The following PHF13 variants were observed in gnomAD, a reference collection of about 807,000 sequenced individuals.
PHF13 encodes PHD zinc finger protein PHF5.
A neutral mutation model predicts 25.8 loss-of-function variants in PHF13; 1 was observed. That is an observed-to-expected ratio of 0.04 (90% CI 0.01 to 0.18). The LOEUF (loss-of-function observed/expected upper bound fraction) is 0.18, where lower values mean the gene tolerates loss of function less well. PHF13 is among the 10% of genes least tolerant of loss of function. The probability of loss-of-function intolerance (pLI) is 1.00; values close to 1 mark genes in which losing one functional copy is unlikely to be tolerated. For synonymous variants in PHF13, 195 were observed against 162.4 expected, an observed-to-expected ratio of 1.20 and a Z score of -1.53; for missense variants, 306 against 403.2, an observed-to-expected ratio of 0.76 and a Z score of 2.06.
rs958942664 is a variant in PHF13, at chr1:6,621,542, G to C, written c.808G>C (p.Glu270Gln). The C allele has an allele frequency of 1.2e-6, 2 of 1,614,230 alleles. No individual in the cohort carries two copies. The highest frequency in any genetic ancestry group is 1.3e-5 in the African/African-American group (1 of 75,058). The part of the protein sequence containing the change: ...CAKIRKSNVP[E>Q]VFVCQKCRDS... ...GAAAATCCGGAAATCCAATGTTCCA[G>C]AAGTGTTTGTCTGCCAAAAGTGCCG... is the stretch of plus-strand genomic sequence containing the variant. Residue 270 changes from glutamate (E) to glutamine (Q), a missense_variant, in exon 4 of 4, where the codon GAA becomes CAA. Around this residue, in one of 5 missense-constraint regions of PHF13, gnomAD observed 40 missense variants for 71.6 expected, o/e 0.56. Coordinates refer to ENST00000377648, the MANE Select transcript of PHF13 (RefSeq NM_153812.3). The surrounding 1 kb of genome is among the most constrained non-coding windows in gnomAD (Gnocchi z 4.8).
Position 6,613,966 on chromosome 1 carries a change from C to T in PHF13, c.-101C>T. On this transcript the variant is annotated 5_prime_UTR_variant, in exon 1 of 4. Transcript: ENST00000377648. ...CCCGGGCGACCCCTCCCGGGTCCGC[C>T]CTCGCCCTGCGCAGCCGCCCGAGCC... 2 of 780,018 alleles carry T rather than the reference C, an allele frequency of 2.6e-6. No individual in the cohort carries two copies. The highest frequency in any genetic ancestry group is 2.1e-6 in the Non-Finnish European group (1 of 486,814). 48.3% of individuals were successfully genotyped at this position (780,018 alleles called of 1,614,324 possible).
chr1:6,618,424 C>T (rs1236795284), intron 2 of PHF13, among the ~76,000 whole-genome samples: 1 of 152,166 alleles, frequency 6.6e-6, no homozygotes, highest in Non-Finnish European at 1.5e-5. Context: ...TGAGCCACTG[C>T]GTTTGGCCGT....
chr1:6,613,794 T>C lies in PHF13; in HGVS notation c.-273T>C. The C allele has an allele frequency of 5.0e-6, 1 of 199,350 alleles. No individual in the cohort carries two copies. Among genetic ancestry groups the C allele is most frequent in the Non-Finnish European group, 9.7e-6 (1 of 102,978 alleles). The allele number at this position is 199,350 out of a possible 1,614,324, so 12.3% of individuals were successfully genotyped here. A position where few individuals can be genotyped will look rare whatever the true frequency, so the allele number is the denominator to read the frequency against. On this transcript the variant is annotated 5_prime_UTR_variant, in exon 1 of 4. Transcript: ENST00000377648. ...GTCGGGGAGCCGGTCGGGTTCCCGC[T>C]CACCGCCGCCGCCGCCGCCCCCTGC...
At chr1:6,617,845 C>T (rs1641283834) in intron 2 of PHF13, among the ~76,000 whole-genome samples, 1 of 152,140 alleles carries the variant, frequency 6.6e-6, no homozygotes, top group African/African-American at 2.4e-5. Context: ...AGTTTATAAG[C>T]TGAGGAAACT....
chr1:6,619,762 T>C, intron 2 of PHF13, 41 bp from the exon 3 acceptor site: 1 of 1,553,074 alleles, frequency 6.4e-7, no homozygotes, highest in East Asian at 2.3e-5. Context: ...GGGCTGGATC[T>C]TGTCACCAGT....
At chr1:6,614,829 C>T (rs1378821552) in intron 1 of PHF13, among the ~76,000 whole-genome samples, 2 of 151,406 alleles carry the variant, frequency 1.3e-5, no homozygotes, top group African/African-American at 2.4e-5. Flanking sequence ...GGGCTCCCGG[C>T]CTCCCCCCCG....
rs191767063 is a variant in PHF13 at position 6,619,631 on chromosome 1, G to A, written c.142-172G>A. On this transcript the variant is annotated intron_variant, in intron 2 of 3. Coordinates refer to ENST00000377648, the MANE Select transcript of PHF13 (RefSeq NM_153812.3). Reference sequence around the variant, plus strand: ...TGGGATTACAGGTGTGAGCCACCACGCCCAGCCAGAACTCATGTTACTGTT... The same window carrying A: ...TGGGATTACAGGTGTGAGCCACCACACCCAGCCAGAACTCATGTTACTGTT... 1.1e-3 allele frequency among the ~76,000 whole-genome samples: 160 copies of A among 152,280 alleles called. 2 individuals carry two copies. Among genetic ancestry groups the A allele is most frequent in the African/African-American group, 2.8e-3 (116 of 41,554 alleles).
rs1385683466 is a variant in PHF13, at chr1:6,613,957, C to A, written c.-110C>A. On this transcript the variant is annotated 5_prime_UTR_variant, in exon 1 of 4. Transcript: ENST00000377648. Reference sequence around the variant, plus strand: ...CACCTCCAGCCCGGGCGACCCCTCCCGGGTCCGCCCTCGCCCTGCGCAGCC... The same window carrying A: ...CACCTCCAGCCCGGGCGACCCCTCCAGGGTCCGCCCTCGCCCTGCGCAGCC... 3.0e-6 allele frequency: 2 copies of A among 669,390 alleles called. No individual in the cohort carries two copies. The highest frequency in any genetic ancestry group is 4.9e-6 in the Non-Finnish European group (2 of 406,080). The allele number at this position is 669,390 out of a possible 1,614,324, so 41.5% of individuals were successfully genotyped here.
intron 2 of PHF13, among the ~76,000 whole-genome samples, chr1:6,619,054 A>G (rs1292141485): frequency 1.3e-5 from 2 of 152,244 alleles, no homozygotes; most frequent in Non-Finnish European, 2.9e-5. Flanking sequence ...TGGGGCAGTA[A>G]TTACCTACTT....
At chr1:6,617,393 A>C (rs536477008) in intron 2 of PHF13, among the ~76,000 whole-genome samples, 35 of 149,524 alleles carry the variant, frequency 2.3e-4, no homozygotes, top group Admixed American at 2.1e-3. Context: ...CGATTTAGTA[A>C]ACTTTCAGTT....
At chr1:6,620,451 G>A in intron 3 of PHF13, 114 bp downstream of exon 3, 1 of 1,213,756 alleles carries the variant, frequency 8.2e-7, no homozygotes, top group South Asian at 1.5e-5. Context: ...CGTAGAGTGT[G>A]ACAGCCCCAC....
intron 2 of PHF13, among the ~76,000 whole-genome samples, chr1:6,619,366 G>A (rs529634689): frequency 1.4e-5 from 2 of 144,662 alleles, no homozygotes; most frequent in African/African-American, 5.1e-5. Flanking sequence ...TTTTTTTTTT[G>A]AGACACAGAA....
rs1305243607 is a variant in PHF13, at chr1:6,613,903, C to T, written c.-164C>T. Reference sequence around the variant, plus strand: ...GAACCGCCAGTCCGGGGTCACAGAGCTTGAGAAGCGACGCGCTGAGCCCCC... The same window carrying T: ...GAACCGCCAGTCCGGGGTCACAGAGTTTGAGAAGCGACGCGCTGAGCCCCC... On this transcript the variant is annotated 5_prime_UTR_variant, in exon 1 of 4. Coordinates refer to ENST00000377648, the MANE Select transcript of PHF13 (RefSeq NM_153812.3). 3.7e-6 allele frequency: 2 copies of T among 543,100 alleles called. No individual in the cohort carries two copies. Among genetic ancestry groups the T allele is most frequent in the Admixed American group, 4.0e-5 (1 of 24,726 alleles). The allele number at this position is 543,100 out of a possible 1,614,324, so 33.6% of individuals were successfully genotyped here.
At chr1:6,620,410 A>G in intron 3 of PHF13, 73 bp downstream of exon 3, 1 of 1,493,646 alleles carries the variant, frequency 6.7e-7, no homozygotes, top group Non-Finnish European at 9.0e-7. Context: ...TTAAGTGGTC[A>G]TCTCTCTGGG....
chr1:6,620,364 C>T (rs375692038), intron 3 of PHF13, 27 bp downstream of exon 3: 7 of 1,595,610 alleles, frequency 4.4e-6, no homozygotes, highest in South Asian at 1.1e-5. Context: ...GGATGATGAC[C>T]CTTGTTGGCT....
chr1:6,620,364 C>G, intron 3 of PHF13, 27 bp downstream of exon 3: 1 of 1,595,610 alleles, frequency 6.3e-7, no homozygotes. Context: ...GGATGATGAC[C>G]CTTGTTGGCT....
chr1:6,616,644 C>A, intron 1 of PHF13, 113 bp from the exon 2 acceptor site: 2 of 827,960 alleles, frequency 2.4e-6, no homozygotes, highest in Non-Finnish European at 2.1e-6. Context: ...GTAAATCTAA[C>A]GGTATTTTTT....
intron 2 of PHF13, among the ~76,000 whole-genome samples, chr1:6,618,275 C>T (rs1358897613): frequency 6.6e-6 from 1 of 152,144 alleles, no homozygotes; most frequent in East Asian, 1.9e-4. Flanking sequence ...GCTGGGACTA[C>T]AGGCCCACCA....
At chr1:6,618,795 C>T (rs1641298344) in intron 2 of PHF13, among the ~76,000 whole-genome samples, 1 of 152,102 alleles carries the variant, frequency 6.6e-6, no homozygotes, top group Admixed American at 6.6e-5. Flanking sequence ...CAGGTGTCAG[C>T]CATCATGCAC....
Sources: gnomAD v4.1 joint callset for allele counts (sites outside exome capture counted in the v4.1 genomes callset) on GRCh38, gnomAD v4.1.1 for gene constraint, gnomAD v4.1.1 regional missense constraint, Gnocchi (gnomAD v3.1) non-coding constraint, MANE v1.5 for transcripts, NCBI Gene and HGNC (gene_info 2026-07-23, HGNC 2026-07-21) for gene names.